The following PCDH1 variants were observed in gnomAD, a reference collection of about 807,000 sequenced individuals.
The protein encoded by PCDH1 is protocadherin 1, also known as protocadherin-1.
PCDH1 carries 23 observed loss-of-function variants against 74.6 expected under a neutral mutation model. The observed-to-expected ratio is 0.31, with a 90% CI of 0.22 to 0.44. PCDH1 has a LOEUF of 0.44. Ranked by LOEUF, PCDH1 falls within the 20% of genes least tolerant of loss-of-function variation. PCDH1 has a pLI of 1.00. For synonymous variants in PCDH1, 647 were observed against 686.1 expected (o/e 0.94, Z 0.89); for missense variants, 1,214 against 1,641.4 (o/e 0.74, Z 4.50).
chr5:141,869,163 G>C lies in PCDH1; in HGVS notation c.309C>G (p.Gly103=). ...EVGAPYLRVD[G]KTGDIFTTET... is the part of the protein sequence containing the mutation. ...CGGTGGTGAAAATGTCACCTGTCTT[G>C]CCATCCACGCGAAGGTACGGGGCAC... The change falls in exon 2 of 5, where the codon GGC becomes GGG. Residue 103 remains glycine (G), a synonymous_variant. Coordinates refer to ENST00000287008, the MANE Select transcript of PCDH1 (RefSeq NM_032420.5). This position sits in a 1 kb window ranked among gnomAD's most constrained non-coding sequence, Gnocchi z 4.9. The C allele has an allele frequency of 1.2e-6, 2 of 1,613,828 alleles. No homozygotes were observed. Among genetic ancestry groups the C allele is most frequent in the South Asian group, 2.2e-5 (2 of 91,050 alleles).
rs771741109 is a variant in PCDH1 at position 141,865,907 on chromosome 5, T to C, written c.904-480A>G. On this transcript the variant is annotated intron_variant, in intron 2 of 4. Transcript: ENST00000287008. This position sits in a 1 kb window ranked among gnomAD's most constrained non-coding sequence, Gnocchi z 4.4. ...GCACGCATGCACATATGTATGTGTA[T>C]GATTGTGTCAGAATGTGTGATTAAA... 1.1e-4 allele frequency among the ~76,000 whole-genome samples: 17 copies of C among 152,248 alleles called. No homozygotes were observed. Among genetic ancestry groups the C allele is most frequent in the Non-Finnish European group, 2.2e-4 (15 of 68,036 alleles).
intron 1 of PCDH1, among the ~76,000 whole-genome samples, chr5:141,872,328 G>A (rs559171808): frequency 3.3e-5 from 5 of 152,356 alleles, no homozygotes; most frequent in South Asian, 4.1e-4. Context: ...CAGGTGAGGC[G>A]TTATGTGGGA....
At chr5:141,866,483 G>GA (rs1752843661) in intron 2 of PCDH1, among the ~76,000 whole-genome samples, 1 of 152,224 alleles carries the variant, frequency 6.6e-6, no homozygotes, top group African/African-American at 2.4e-5. Context: ...TGGGCAGGGA[G>GA]AAACATGAGG....
At chr5:141,857,194 A>G (rs1752382933) in intron 4 of PCDH1, 58 bp downstream of exon 4, 1 of 1,395,868 alleles carries the variant, frequency 7.2e-7, no homozygotes, top group Non-Finnish European at 9.6e-7. Context: ...AGGCCTTGTC[A>G]CCATTCCCAG....
At position 141,854,369 on chromosome 5, in the gene PCDH1, G is replaced by A. The variant is rs745608091; in HGVS notation, c.3387C>T (p.His1129=). Residue 1129 remains histidine, a synonymous_variant, in exon 5 of 5, where the codon CAC becomes CAT. Coordinates refer to ENST00000287008, the MANE Select transcript of PCDH1 (RefSeq NM_032420.5). ...GGCCAGGCATCCAGCATGTGTCAGA[G>A]TGGCCAAACTCACTGCACTCCCGGG... ...TCTRECSEFG[H]SDTCWMPGQS... is the part of the protein sequence containing the mutation. 4 of 1,613,620 alleles carry A rather than the reference G, an allele frequency of 2.5e-6. No homozygotes were observed. The highest frequency in any genetic ancestry group is 1.7e-6 in the Non-Finnish European group (2 of 1,179,990).
intron 3 of PCDH1, 119 bp from the exon 4 acceptor site, chr5:141,857,590 GA>G (rs1414039714): frequency 2.7e-6 from 2 of 735,354 alleles, no homozygotes; most frequent in African/African-American, 3.6e-5. Flanking sequence ...CAACCAAGAA[GA>G]GACCCAGGCC....
At position 141,865,368 on chromosome 5, in the gene PCDH1, C is replaced by G. The variant is rs746802325; in HGVS notation, c.963G>C (p.Gln321His). 1.2e-6 allele frequency: 2 copies of G among 1,613,974 alleles called. No individual in the cohort carries two copies. Among genetic ancestry groups the G allele is most frequent in the East Asian group, 4.5e-5 (2 of 44,902 alleles). Residue 321 changes from glutamine to histidine, a missense_variant, in exon 3 of 5, where the codon CAG becomes CAC. Gln to His is a conservative substitution (Grantham distance 24). Transcript: ENST00000287008. The surrounding 1 kb of genome is among the most constrained non-coding windows in gnomAD (Gnocchi z 4.4). ...ANAEIEYTFHQAPEVVRRLLR... is the reference protein window; with the variant it reads ...ANAEIEYTFHHAPEVVRRLLR... Reference sequence around the variant, plus strand: ...GAAGACGCCTCACAACTTCGGGCGCCTGGTGGAATGTGTATTCGATTTCTG... The same window carrying G: ...GAAGACGCCTCACAACTTCGGGCGCGTGGTGGAATGTGTATTCGATTTCTG...
At chr5:141,858,021 C>T (rs1752416261) in intron 3 of PCDH1, among the ~76,000 whole-genome samples, 1 of 152,196 alleles carries the variant, frequency 6.6e-6, no homozygotes, top group Non-Finnish European at 1.5e-5. Flanking sequence ...AGTTAGTTCC[C>T]TCATTTCCAA....
chr5:141,877,177 A>G (rs528810088), intron 1 of PCDH1, among the ~76,000 whole-genome samples: 3 of 151,794 alleles, frequency 2.0e-5, no homozygotes, highest in African/African-American at 7.2e-5. Context: ...GTTTGTGTGT[A>G]TGCGCTGCAG....
At chr5:141,862,925 C>T (rs1478084134) in intron 3 of PCDH1, 1 of 1,229,284 alleles carries the variant, frequency 8.1e-7, no homozygotes, top group East Asian at 3.2e-5. Flanking sequence ...ACCTGCCTAC[C>T]ACCCCCAACC....
At chr5:141,866,138 G>A in intron 2 of PCDH1, 1 of 985,512 alleles carries the variant, frequency 1.0e-6, no homozygotes. Context: ...TTGTGGGTCA[G>A]AGAAGCCCTC....
At chr5:141,866,231 G>GCGTGCCAGT in intron 2 of PCDH1, 2 of 985,516 alleles carry the variant, frequency 2.0e-6, no homozygotes, top group Non-Finnish European at 2.4e-6. Flanking sequence ...GCACCGGCTG[G>GCGTGCCAGT]CGAGGCACCA....
rs972063170 is a variant in PCDH1 at position 141,865,338 on chromosome 5, T to C, written c.993A>G (p.Arg331=). 1.7e-5 allele frequency: 28 copies of C among 1,614,160 alleles called. No individual in the cohort carries two copies. Among genetic ancestry groups the C allele is most frequent in the Non-Finnish European group, 2.3e-5 (27 of 1,180,028 alleles). The change falls in exon 3 of 5, where the codon CGA becomes CGG. Residue 331 remains arginine, a synonymous_variant. Coordinates refer to ENST00000287008, the MANE Select transcript of PCDH1 (RefSeq NM_032420.5). The surrounding 1 kb of genome is among the most constrained non-coding windows in gnomAD (Gnocchi z 4.4). The part of the protein sequence containing the change: ...QAPEVVRRLL[R]LDRNTGLITV... ...TGATAAGTCCAGTGTTCCTGTCCAG[T>C]CGAAGAAGACGCCTCACAACTTCGG...
At chr5:141,862,998 G>A (rs1361695780) in intron 3 of PCDH1, 7 of 1,260,698 alleles carry the variant, frequency 5.6e-6, no homozygotes, top group Non-Finnish European at 5.0e-6. Context: ...TCTCCCCAGT[G>A]GGGAGAGGGC....
At chr5:141,867,435 C>A (rs1029724295) in intron 2 of PCDH1, 1 of 363,412 alleles carries the variant, frequency 2.8e-6, no homozygotes, top group African/African-American at 2.2e-5. Flanking sequence ...TGTTTGGGCC[C>A]GGTTTCTCAT....
At chr5:141,872,184 C>T (rs1753112451) in intron 1 of PCDH1, among the ~76,000 whole-genome samples, 1 of 148,608 alleles carries the variant, frequency 6.7e-6, no homozygotes, top group Admixed American at 6.7e-5. Flanking sequence ...TACTTCAACC[C>T]CAACCCAAAC....
At position 141,873,451 on chromosome 5, in the gene PCDH1, G is replaced by GT. The variant is rs539038700; in HGVS notation, c.41-4021dup. 6.4e-4 allele frequency among the ~76,000 whole-genome samples: 87 copies of GT among 135,846 alleles called. 1 individual carries two copies. In the South Asian group the frequency reaches 1.0e-2, roughly 16 times the overall value. The allele number at this position is 135,846 out of a possible 152,430, so 89.1% of individuals were successfully genotyped here. ...CCGCGCCTGGCCCGGTCCTGCAAAC[G>GT]TTTTTTTTTTCTTGAGACGGAGTCT... On this transcript the variant is annotated intron_variant, in intron 1 of 4. Coordinates refer to ENST00000287008, the MANE Select transcript of PCDH1 (RefSeq NM_032420.5).
rs1752958019 is a variant in PCDH1, at chr5:141,868,545, A to G, written c.903+24T>C. The stretch of plus-strand genomic sequence containing the variant: ...ATTTCTAGTGGTGGGTCACCCTGAC[A>G]GTTATACGGAGGGGGCCTCTCACCT... On this transcript the variant is annotated intron_variant, in intron 2 of 4. Transcript: ENST00000287008. The surrounding 1 kb of genome is among the most constrained non-coding windows in gnomAD (Gnocchi z 4.8). The G allele has an allele frequency of 6.6e-7, 1 of 1,519,756 alleles. No individual in the cohort carries two copies. The highest frequency in any genetic ancestry group is 8.8e-7 in the Non-Finnish European group (1 of 1,135,782). 94.1% of individuals were successfully genotyped at this position (1,519,756 alleles called of 1,614,324 possible).
Position 141,857,325 on chromosome 5 carries a change from C to T in PCDH1, c.3246G>A (p.Leu1082=), listed in dbSNP as rs754800591. 1 of 1,613,672 alleles carries T rather than the reference C, an allele frequency of 6.2e-7. No homozygotes were observed. Among genetic ancestry groups the T allele is most frequent in the South Asian group, 1.1e-5 (1 of 91,040 alleles). The change falls in exon 4 of 5, where the codon CTG becomes CTA. Residue 1082 remains leucine (L), a synonymous_variant. Coordinates refer to ENST00000287008, the MANE Select transcript of PCDH1 (RefSeq NM_032420.5). ...GCTCATAGTGATCCTCAGGCAGGGC[C>T]AGGGGACCGAGTCGAGGCCCTGAGG... The part of the protein sequence containing the change: ...KSSSGPRLGP[L]ALPEDHYERT...
Sources: allele counts gnomAD v4.1 joint callset (sites outside exome capture counted in the v4.1 genomes callset), GRCh38; gene constraint gnomAD v4.1.1; non-coding constraint Gnocchi (gnomAD v3.1); transcripts MANE v1.5; gene names NCBI Gene and HGNC (gene_info 2026-07-23, HGNC 2026-07-21).